The following CAPZB variants were observed in gnomAD, a reference collection of about 807,000 sequenced individuals.
The protein encoded by CAPZB is capping actin protein of muscle Z-line subunit beta.
In CAPZB, 2 loss-of-function variants were observed where a neutral mutation model predicts 38.1. That is an observed-to-expected ratio of 0.05 (90% CI 0.02 to 0.17). The LOEUF is 0.17. Ranked by LOEUF, CAPZB falls within the 10% of genes least tolerant of loss-of-function variation. The probability of loss-of-function intolerance (pLI) is 1.00; values close to 1 mark genes in which losing one functional copy is unlikely to be tolerated. For synonymous variants in CAPZB, 107 were observed against 127.4 expected (o/e 0.84, Z 1.08); for missense variants, 161 against 334.2 (o/e 0.48, Z 4.04).
At chr1:19,354,779 G>T (rs7533994) in intron 6 of CAPZB, among the ~76,000 whole-genome samples, 38,320 of 152,126 alleles carry the variant, frequency 0.25, 5,156 homozygotes, top group African/African-American at 0.34. Context: ...GCCTGGAGTG[G>T]TAAGTGATAC....
At chr1:19,350,902 C>T (rs1216199730) in intron 6 of CAPZB, among the ~76,000 whole-genome samples, 1 of 152,086 alleles carries the variant, frequency 6.6e-6, no homozygotes, top group Non-Finnish European at 1.5e-5. Flanking sequence ...AGGCATGAGC[C>T]ATCGCGCCTG....
At chr1:19,448,915 T>G (rs1308950799) in intron 1 of CAPZB, 3 of 1,612,648 alleles carry the variant, frequency 1.9e-6, no homozygotes, top group Non-Finnish European at 2.5e-6. Context: ...GCCTGGGCAT[T>G]GGAGGAGGTG....
chr1:19,394,372 C>T (rs916202861), intron 2 of CAPZB, among the ~76,000 whole-genome samples: 1 of 152,188 alleles, frequency 6.6e-6, no homozygotes, highest in South Asian at 2.1e-4. Flanking sequence ...ATTATAACAT[C>T]GCTAAGTGTA....
At chr1:19,351,868 T>C (rs2093993490) in intron 6 of CAPZB, among the ~76,000 whole-genome samples, 1 of 152,154 alleles carries the variant, frequency 6.6e-6, no homozygotes, top group East Asian at 1.9e-4. Context: ...CTTCGTCTCC[T>C]GTTTCCGCCC....
intron 4 of CAPZB, among the ~76,000 whole-genome samples, chr1:19,372,195 G>C (rs1256011488): frequency 1.3e-5 from 2 of 152,246 alleles, no homozygotes; most frequent in African/African-American, 4.8e-5. Flanking sequence ...CCACTCCCCA[G>C]ACTCTGGCCT....
chr1:19,378,380 G>T (rs967302403), intron 4 of CAPZB, among the ~76,000 whole-genome samples, 160 bp downstream of exon 4: 8 of 152,186 alleles, frequency 5.3e-5, no homozygotes, highest in African/African-American at 1.9e-4. Flanking sequence ...ATTTTAGTTA[G>T]GTGAGCCAGG....
intron 1 of CAPZB, among the ~76,000 whole-genome samples, chr1:19,468,028 AG>A (rs1036418117): frequency 6.6e-6 from 1 of 152,134 alleles, no homozygotes; most frequent in Non-Finnish European, 1.5e-5. Context: ...CCTTGAGCTC[AG>A]GAGTCCAAGG....
Position 19,387,941 on chromosome 1 carries a change from G to A in CAPZB, c.94-2315C>T, listed in dbSNP as rs1288382575. On this transcript the variant is annotated intron_variant, in intron 2 of 8. Transcript: ENST00000264202. ...CTTTAGACAATATCATCTGTCACCT[G>A]TTACTCTCAGATGGCAACAATAGCC... Among the ~76,000 whole-genome samples the A allele has an allele frequency of 2.6e-5, 4 of 152,174 alleles. No homozygotes were observed. In the East Asian group the frequency reaches 7.7e-4, roughly 29 times the overall value.
intron 2 of CAPZB, among the ~76,000 whole-genome samples, chr1:19,408,317 C>T (rs988109670): frequency 6.6e-6 from 1 of 152,266 alleles, no homozygotes; most frequent in African/African-American, 2.4e-5. Flanking sequence ...CTTCCACTCA[C>T]ATCTGCAGTT....
At chr1:19,346,213 G>A (rs902239234) in intron 6 of CAPZB, among the ~76,000 whole-genome samples, 10 of 152,196 alleles carry the variant, frequency 6.6e-5, no homozygotes, top group East Asian at 1.9e-4. Flanking sequence ...ACGCAGCTAC[G>A]ATGACTAATG....
chr1:19,350,019 C>T (rs1385396433), intron 6 of CAPZB, among the ~76,000 whole-genome samples: 2 of 152,242 alleles, frequency 1.3e-5, no homozygotes, highest in Non-Finnish European at 2.9e-5. Context: ...AGATGTTCCA[C>T]GAGGTGGTTC....
chr1:19,339,931 G>C lies in CAPZB; in HGVS notation c.732-314C>G, dbSNP rs564207427. Reference sequence around the variant, plus strand: ...CCTAGAACCCTAAGTTCACTCCTCTGTGTGTAGGTCCCTATGTCACCCTAA... The same window carrying C: ...CCTAGAACCCTAAGTTCACTCCTCTCTGTGTAGGTCCCTATGTCACCCTAA... On this transcript the variant is annotated intron_variant, in intron 8 of 8. Coordinates refer to ENST00000264202, the MANE Select transcript of CAPZB (RefSeq NM_004930.5). Among the ~76,000 whole-genome samples, 3 of 152,344 alleles carry C rather than the reference G, an allele frequency of 2.0e-5. No individual in the cohort carries two copies. The East Asian group carries it at 5.8e-4, about 29-fold the overall frequency.
intron 4 of CAPZB, among the ~76,000 whole-genome samples, chr1:19,367,866 G>C (rs147866159): frequency 6.6e-6 from 1 of 152,188 alleles, no homozygotes; most frequent in Admixed American, 6.5e-5. Context: ...TGCAGGGGCC[G>C]GCTATCTGGC....
chr1:19,388,276 A>G (rs953424061), intron 2 of CAPZB, among the ~76,000 whole-genome samples: 4 of 152,164 alleles, frequency 2.6e-5, no homozygotes, highest in Admixed American at 2.6e-4. Context: ...ATCCCTCACT[A>G]GAATGTAAGT....
At chr1:19,421,799 T>A (rs1367547152) in intron 1 of CAPZB, among the ~76,000 whole-genome samples, 1 of 152,238 alleles carries the variant, frequency 6.6e-6, no homozygotes, top group Non-Finnish European at 1.5e-5. Flanking sequence ...GAACACAGTA[T>A]CTTCCTTAGA....
chr1:19,367,577 G>A (rs1276146758), intron 4 of CAPZB, among the ~76,000 whole-genome samples: 1 of 152,204 alleles, frequency 6.6e-6, no homozygotes, highest in Admixed American at 6.5e-5. Context: ...TTTGTGTGTT[G>A]AGACCAGCTG....
rs1467913469 is a variant in CAPZB at position 19,476,209 on chromosome 1, T to TAGAC, written c.3+9226_3+9227insGTCT. Among the ~76,000 whole-genome samples, 854 of 132,250 alleles carry TAGAC rather than the reference T, an allele frequency of 6.5e-3. 16 individuals carry two copies. Among genetic ancestry groups the TAGAC allele is most frequent in the African/African-American group, 0.027 (776 of 29,054 alleles). The allele number at this position is 132,250 out of a possible 152,430, so 86.8% of individuals were successfully genotyped here. A position where few individuals can be genotyped will look rare whatever the true frequency, so the allele number is the denominator to read the frequency against. Reference sequence around the variant, plus strand: ...ATAGATAGATAGATAGATAGATAGATAGATAGATAGATAGATAGGCAGGCA... The same window carrying TAGAC: ...ATAGATAGATAGATAGATAGATAGATAGACAGATAGATAGATAGATAGGCAGGCA... On this transcript the variant is annotated intron_variant, in intron 1 of 8. Transcript: ENST00000264202.
chr1:19,379,491 T>C (rs2094162499), intron 3 of CAPZB, among the ~76,000 whole-genome samples: 1 of 152,228 alleles, frequency 6.6e-6, no homozygotes, highest in African/African-American at 2.4e-5. Context: ...TCTTACATAG[T>C]AAGCGTTAAG....
intron 2 of CAPZB, among the ~76,000 whole-genome samples, chr1:19,404,795 C>G (rs544532059): frequency 6.6e-6 from 1 of 152,276 alleles, no homozygotes; most frequent in East Asian, 1.9e-4. Context: ...CCGCTCCTGT[C>G]AGGGATTCCA....
Sources: allele counts gnomAD v4.1 joint callset (sites outside exome capture counted in the v4.1 genomes callset), GRCh38; gene constraint gnomAD v4.1.1; transcripts MANE v1.5; gene names NCBI Gene and HGNC (gene_info 2026-07-23, HGNC 2026-07-21).